UBE3D: variants seen among roughly 807,000 people sequenced by gnomAD.
The protein encoded by UBE3D is E3 ubiquitin-protein ligase E3D.
In UBE3D, 48 loss-of-function variants were observed where a neutral mutation model predicts 49.6. The ratio of observed to expected loss-of-function variants is 0.97; its 90% CI spans 0.77 to 1.23. The LOEUF (loss-of-function observed/expected upper bound fraction) is 1.23, where lower values mean the gene tolerates loss of function less well. Ranked by LOEUF, UBE3D falls within the 50% of genes most tolerant of loss-of-function variation. The pLI is 0.00. For synonymous variants in UBE3D, 189 were observed against 174.2 expected, an observed-to-expected ratio of 1.08 and a Z score of -0.67; for missense variants, 452 against 468.4, an observed-to-expected ratio of 0.96 and a Z score of 0.32.
intron 1 of UBE3D, among the ~76,000 whole-genome samples, chr6:83,060,131 C>T (rs761158344): frequency 1.3e-5 from 2 of 152,122 alleles, no homozygotes; most frequent in Non-Finnish European, 2.9e-5. Flanking sequence ...AACACCATCA[C>T]TTTGGGGGTT....
chr6:83,015,101 C>T (rs1265829875), intron 8 of UBE3D, among the ~76,000 whole-genome samples: 1 of 152,144 alleles, frequency 6.6e-6, no homozygotes, highest in Non-Finnish European at 1.5e-5. Flanking sequence ...ACAATTATTC[C>T]AATTGCATTT....
chr6:83,058,373 T>C (rs2127850471), intron 1 of UBE3D, among the ~76,000 whole-genome samples: 1 of 152,294 alleles, frequency 6.6e-6, no homozygotes, highest in South Asian at 2.1e-4. Flanking sequence ...GAAACAATGA[T>C]ACAAGACAAA....
At chr6:82,994,406 C>T (rs1779104858) in intron 8 of UBE3D, among the ~76,000 whole-genome samples, 1 of 152,114 alleles carries the variant, frequency 6.6e-6, no homozygotes, top group African/African-American at 2.4e-5. Flanking sequence ...GTATTCCATT[C>T]TGATTGGACA....
At chr6:82,991,219 T>C (rs536361393) in intron 8 of UBE3D, among the ~76,000 whole-genome samples, 1 of 152,324 alleles carries the variant, frequency 6.6e-6, no homozygotes, top group Non-Finnish European at 1.5e-5. Context: ...ATAATCTTTG[T>C]TCTATCCCTG....
chr6:82,990,543 G>A (rs896960325), intron 8 of UBE3D, among the ~76,000 whole-genome samples: 3 of 152,126 alleles, frequency 2.0e-5, no homozygotes, highest in African/African-American at 7.2e-5. Flanking sequence ...CTCCCAAAGT[G>A]CTGGGATTAC....
intron 9 of UBE3D, among the ~76,000 whole-genome samples, chr6:82,944,197 C>A (rs1303713604): frequency 1.3e-5 from 2 of 152,168 alleles, no homozygotes; most frequent in Admixed American, 1.3e-4. Context: ...CCAAAAGAGA[C>A]CCCTTCCTTT....
chr6:83,036,747 G>C (rs1364925949), intron 5 of UBE3D: 4 of 149,598 alleles, frequency 2.7e-5, no homozygotes, highest in African/African-American at 7.4e-5. Flanking sequence ...TTAAGAGATA[G>C]AGTCTCCCTA....
chr6:82,976,524 C>A (rs12196697), intron 8 of UBE3D, among the ~76,000 whole-genome samples: 1 of 152,034 alleles, frequency 6.6e-6, no homozygotes, highest in Non-Finnish European at 1.5e-5. Flanking sequence ...CATCTCCCAA[C>A]CTGTTTAAGT....
At chr6:83,025,195 GT>G (rs1356061915) in intron 5 of UBE3D, among the ~76,000 whole-genome samples, 9 of 152,270 alleles carry the variant, frequency 5.9e-5, no homozygotes, top group Middle Eastern at 3.4e-3. Flanking sequence ...CTGAAAAGGG[GT>G]TTTTAATCAC....
chr6:82,922,400 G>A (rs957140546), intron 9 of UBE3D, among the ~76,000 whole-genome samples: 5 of 152,118 alleles, frequency 3.3e-5, no homozygotes, highest in African/African-American at 1.2e-4. Context: ...ATTTTATGGG[G>A]CTATTGAAAC....
chr6:82,897,416 T>C (rs6923898), intron 9 of UBE3D, among the ~76,000 whole-genome samples: 26,196 of 151,360 alleles, frequency 0.17, 3,738 homozygotes, highest in African/African-American at 0.39. Flanking sequence ...CATGGTAAAA[T>C]CCCCTCTCTA....
At chr6:82,965,780 G>A (rs1562130167) in intron 8 of UBE3D, among the ~76,000 whole-genome samples, 1 of 152,048 alleles carries the variant, frequency 6.6e-6, no homozygotes, top group Non-Finnish European at 1.5e-5. Context: ...AAATAAGAGA[G>A]AAAAGTGTAA....
chr6:82,940,167 TA>T (rs1446797690), intron 9 of UBE3D, among the ~76,000 whole-genome samples: 1 of 152,124 alleles, frequency 6.6e-6, no homozygotes, highest in Non-Finnish European at 1.5e-5. Flanking sequence ...ACATTCTCTC[TA>T]GAGTATGGCA....
intron 8 of UBE3D, among the ~76,000 whole-genome samples, chr6:82,973,644 T>C (rs543620193): frequency 1.3e-5 from 2 of 152,284 alleles, no homozygotes; most frequent in South Asian, 4.2e-4. Context: ...CACATTCTGT[T>C]CATTTTGAAG....
chr6:82,884,416 C>T, the UBE3D span, among the ~76,000 whole-genome samples: 4 of 152,032 alleles, frequency 2.6e-5, no homozygotes, highest in African/African-American at 9.7e-5. Flanking sequence ...ATGATGCATA[C>T]GGGCACTCCA....
intron 8 of UBE3D, among the ~76,000 whole-genome samples, chr6:82,960,777 GAC>G (rs1361901432): frequency 6.6e-6 from 1 of 151,954 alleles, no homozygotes; most frequent in Non-Finnish European, 1.5e-5. Flanking sequence ...CTTTTCTGCA[GAC>G]ACAGTCAGGT....
Position 83,019,066 on chromosome 6 carries a change from G to A in UBE3D, c.917C>T (p.Pro306Leu), listed in dbSNP as rs749569942. The A allele has an allele frequency of 6.2e-7, 1 of 1,613,716 alleles. No homozygotes were observed. The highest frequency in any genetic ancestry group is 1.3e-5 in the African/African-American group (1 of 75,014). The change falls in exon 8 of 10, where the codon CCC becomes CTC. Residue 306 changes from proline to leucine, a missense_variant. By Grantham distance (98) the Pro-to-Leu change is moderately conservative (BLOSUM62 -3). Transcript: ENST00000369747. Reference protein sequence around the residue: ...LRNSKYIKKFPLLENTFKADS... With the variant: ...LRNSKYIKKFLLLENTFKADS... ...GGCTTTGAATGTGTTTTCCAACAAGGGGAATTTTTTGATATATTTGGAATT... is the reference window on the plus strand; with the variant it reads ...GGCTTTGAATGTGTTTTCCAACAAGAGGAATTTTTTGATATATTTGGAATT...
At chr6:82,935,155 C>A (rs1012549694) in intron 9 of UBE3D, among the ~76,000 whole-genome samples, 1 of 150,764 alleles carries the variant, frequency 6.6e-6, no homozygotes, top group Non-Finnish European at 1.5e-5. Flanking sequence ...TCTAGGGAGT[C>A]TTCAGGAAGC....
At chr6:82,956,949 GA>G (rs1776198153) in intron 9 of UBE3D, among the ~76,000 whole-genome samples, 2 of 152,142 alleles carry the variant, frequency 1.3e-5, no homozygotes, top group South Asian at 4.1e-4. Context: ...GCAATACAGT[GA>G]AACCCTGTCT....
Sources: allele counts gnomAD v4.1 joint callset (sites outside exome capture counted in the v4.1 genomes callset), GRCh38; gene constraint gnomAD v4.1.1; transcripts MANE v1.5; gene names NCBI Gene and HGNC (gene_info 2026-07-23, HGNC 2026-07-21).